Variants in RAD51B observed in about 807,000 individuals in gnomAD.
RAD51B encodes DNA repair protein RAD51 homolog 2.
In RAD51B, 38 loss-of-function variants were observed where a neutral mutation model predicts 42.2. The observed-to-expected ratio is 0.90, with a 90% CI of 0.70 to 1.18. The LOEUF (loss-of-function observed/expected upper bound fraction) is 1.18, where lower values mean the gene tolerates loss of function less well. Ranked by LOEUF, RAD51B falls within the 50% of genes most tolerant of loss-of-function variation. RAD51B has a pLI of 0.00. For synonymous variants in RAD51B, 154 were observed against 145.2 expected (o/e 1.06, Z -0.43); for missense variants, 373 against 400.7 (o/e 0.93, Z 0.59).
intron 9 of RAD51B, among the ~76,000 whole-genome samples, chr14:68,444,707 G>A (rs773410629): frequency 3.3e-5 from 5 of 152,212 alleles, no homozygotes; most frequent in African/African-American, 7.2e-5. Flanking sequence ...GGCATTTGCT[G>A]TATTTTGTCA....
intron 10 of RAD51B, among the ~76,000 whole-genome samples, chr14:68,519,927 G>A (rs534255665): frequency 6.6e-6 from 1 of 152,232 alleles, no homozygotes; most frequent in Non-Finnish European, 1.5e-5. Flanking sequence ...AAGGAGAAGA[G>A]AGAACGTTTC....
chr14:67,833,581 T>G (rs1378330500), intron 3 of RAD51B, among the ~76,000 whole-genome samples: 1 of 152,098 alleles, frequency 6.6e-6, no homozygotes, highest in Non-Finnish European at 1.5e-5. Context: ...GGGCAGGGAG[T>G]GTCTACAGTG....
chr14:68,089,075 A>T (rs1339913612), intron 7 of RAD51B, among the ~76,000 whole-genome samples: 3 of 151,072 alleles, frequency 2.0e-5, no homozygotes, highest in African/African-American at 7.3e-5. Flanking sequence ...AGCCATCATT[A>T]TTTTTTTTTC....
Position 67,984,392 on chromosome 14 carries a change from TTTC to T in RAD51B, c.756+97191_756+97193del, listed in dbSNP as rs577393867. Among the ~76,000 whole-genome samples, 134 of 152,368 alleles carry T rather than the reference TTTC, an allele frequency of 8.8e-4. 1 individual carries two copies. The highest frequency in any genetic ancestry group is 4.6e-3 in the South Asian group (22 of 4,830). ...GTAAACATTGTTGGTTTCAAGACACTTTCTTATTTTAACCCTCCTAACCTTTCA... is the reference window on the plus strand; with the variant it reads ...GTAAACATTGTTGGTTTCAAGACACTTTATTTTAACCCTCCTAACCTTTCA... On this transcript the variant is annotated intron_variant, in intron 7 of 10. Transcript: ENST00000471583.
intron 10 of RAD51B, among the ~76,000 whole-genome samples, chr14:68,519,862 C>T (rs1326833651): frequency 6.6e-6 from 1 of 152,126 alleles, no homozygotes; most frequent in Non-Finnish European, 1.5e-5. Context: ...TTGTTGACTT[C>T]ATCCCACTGA....
chr14:68,608,450 T>C (rs1416309357), intron 10 of RAD51B, among the ~76,000 whole-genome samples: 1 of 152,072 alleles, frequency 6.6e-6, no homozygotes, highest in Non-Finnish European at 1.5e-5. Context: ...TGCTTGAGCG[T>C]GGTGAGGAAG....
At chr14:68,494,032 A>G (rs988822898) in intron 10 of RAD51B, among the ~76,000 whole-genome samples, 1 of 151,946 alleles carries the variant, frequency 6.6e-6, no homozygotes, top group Non-Finnish European at 1.5e-5. Context: ...TCCCAGCACT[A>G]TGGGAGGCCG....
intron 7 of RAD51B, among the ~76,000 whole-genome samples, chr14:67,926,995 A>G (rs1041386107): frequency 1.2e-4 from 18 of 152,332 alleles, no homozygotes; most frequent in African/African-American, 4.3e-4. Context: ...ATTTTAGCCA[A>G]TGATATGTTA....
At chr14:68,608,086 G>A (rs1273515923) in intron 10 of RAD51B, among the ~76,000 whole-genome samples, 1 of 152,206 alleles carries the variant, frequency 6.6e-6, no homozygotes, top group Non-Finnish European at 1.5e-5. Flanking sequence ...CGGTAGGCCT[G>A]AGGGTTGGGC....
chr14:68,399,612 T>C (rs974260795), intron 8 of RAD51B, among the ~76,000 whole-genome samples: 1 of 152,222 alleles, frequency 6.6e-6, no homozygotes, highest in African/African-American at 2.4e-5. Context: ...GTATATTAGT[T>C]ACCAATTTAT....
chr14:68,274,245 T>A (rs1199332986), intron 7 of RAD51B, among the ~76,000 whole-genome samples: 8 of 152,218 alleles, frequency 5.3e-5, no homozygotes, highest in Admixed American at 5.2e-4. Context: ...TATGATTATA[T>A]CATAATATTC....
At position 68,014,978 on chromosome 14, in the gene RAD51B, G is replaced by A. The variant is rs1284160338; in HGVS notation, c.756+127774G>A. 2.0e-5 allele frequency among the ~76,000 whole-genome samples: 3 copies of A among 152,060 alleles called. No homozygotes were observed. In the East Asian group the frequency reaches 5.8e-4, roughly 29 times the overall value. On this transcript the variant is annotated intron_variant, in intron 7 of 10. Coordinates refer to ENST00000471583, the MANE Select transcript of RAD51B (RefSeq NM_133510.4). Reference sequence around the variant, plus strand: ...GCTTTGTTTATTTGAGAGGGGGTGTGGAGGCATGGTGAAGGGCAGGAGCTC... The same window carrying A: ...GCTTTGTTTATTTGAGAGGGGGTGTAGAGGCATGGTGAAGGGCAGGAGCTC...
At chr14:67,855,238 C>CT (rs199813937) in intron 4 of RAD51B, among the ~76,000 whole-genome samples, 5,897 of 146,902 alleles carry the variant, frequency 0.04, 305 homozygotes, top group African/African-American at 0.12. Context: ...TATTATAGTT[C>CT]TTTTTTTTTT....
chr14:68,571,239 A>G (rs149756978), intron 10 of RAD51B, among the ~76,000 whole-genome samples: 202 of 152,316 alleles, frequency 1.3e-3, no homozygotes, highest in African/African-American at 4.5e-3. Context: ...ACCAGATTCA[A>G]TTTGGTTGGT....
intron 7 of RAD51B, among the ~76,000 whole-genome samples, chr14:68,134,079 TCTCGTGCCA>T (rs2077958782): frequency 6.6e-6 from 1 of 152,198 alleles, no homozygotes; most frequent in East Asian, 1.9e-4. Context: ...ATCAGAAGCC[TCTCGTGCCA>T]CATCCTGCTA....
intron 7 of RAD51B, among the ~76,000 whole-genome samples, chr14:67,969,929 G>A (rs891644139): frequency 6.6e-6 from 1 of 152,234 alleles, no homozygotes. Context: ...GTGAATGGGA[G>A]CTTTGGATAA....
chr14:68,494,223 T>C (rs1884314511), intron 10 of RAD51B, among the ~76,000 whole-genome samples: 1 of 148,074 alleles, frequency 6.8e-6, no homozygotes, highest in African/African-American at 2.5e-5. Flanking sequence ...GAGGTTGTAG[T>C]GAGCTGAGGT....
intron 10 of RAD51B, among the ~76,000 whole-genome samples, chr14:68,572,062 G>C (rs1032919959): frequency 6.6e-6 from 1 of 152,190 alleles, no homozygotes; most frequent in African/African-American, 2.4e-5. Context: ...GACCCCCACA[G>C]ACCCCAGTGT....
chr14:68,593,459 A>G (rs1315233882), intron 10 of RAD51B, among the ~76,000 whole-genome samples: 1 of 152,214 alleles, frequency 6.6e-6, no homozygotes, highest in African/African-American at 2.4e-5. Flanking sequence ...CCAGTGGCAA[A>G]CAGAAGAAAA....
Sources: allele counts gnomAD v4.1 joint callset (sites outside exome capture counted in the v4.1 genomes callset), GRCh38; gene constraint gnomAD v4.1.1; transcripts MANE v1.5; gene names NCBI Gene and HGNC (gene_info 2026-07-23, HGNC 2026-07-21).